Variants in PHF5A observed in about 807,000 individuals in gnomAD.
PHF5A encodes PHD finger-like domain-containing protein 5A.
For synonymous variants in PHF5A, 52 were observed against 46.0 expected, an observed-to-expected ratio of 1.13 and a Z score of -0.52; for missense variants, 24 against 140.6, an observed-to-expected ratio of 0.17 and a Z score of 4.19.
rs1568993045 is a variant in PHF5A at position 41,459,907 on chromosome 22, C to CT, written c.*490_*491insA. 1.4e-4 allele frequency: 7 copies of CT among 48,744 alleles called. No homozygotes were observed. The highest frequency in any genetic ancestry group is 2.6e-4 in the African/African-American group (3 of 11,572). The allele number at this position is 48,744 out of a possible 1,614,324, so 3.0% of individuals were successfully genotyped here. On this transcript the variant is annotated 3_prime_UTR_variant, in exon 4 of 4. Transcript: ENST00000216252. ...TCAAGAGGGCAGAGCCCTGCCCCCC[C>CT]ACCCCCCCCCCAAAAAAAACGGGAA...
chr22:41,468,595 G>A lies in PHF5A; in HGVS notation c.52+7C>T. 1 of 1,614,124 alleles carries A rather than the reference G, an allele frequency of 6.2e-7. No homozygotes were observed. Among genetic ancestry groups the A allele is most frequent in the Non-Finnish European group, 8.5e-7 (1 of 1,180,000 alleles). ...CCCAGACAGCCAGGGGTAGGGCGCAGTCTCACCAACACCAGCCTGCTTGCG... is the reference window on the plus strand; with the variant it reads ...CCCAGACAGCCAGGGGTAGGGCGCAATCTCACCAACACCAGCCTGCTTGCG... On this transcript the variant is annotated splice_region_variant and intron_variant, in intron 1 of 3. Coordinates refer to ENST00000216252, the MANE Select transcript of PHF5A (RefSeq NM_032758.4).
At chr22:41,467,110 C>T (rs576833499) in intron 3 of PHF5A, among the ~76,000 whole-genome samples, 1 of 152,028 alleles carries the variant, frequency 6.6e-6, no homozygotes, top group South Asian at 2.1e-4. Context: ...AAGTGATCCT[C>T]CTAACTTGGA....
chr22:41,468,401 C>T (rs533356964), intron 1 of PHF5A: 77 of 632,264 alleles, frequency 1.2e-4, no homozygotes, highest in Middle Eastern at 4.1e-4. Flanking sequence ...CCGATACCTG[C>T]CTGGGGCTCC....
In PHF5A at chr22:41,460,228, C is replaced by CAGA; in HGVS notation, c.*169_*170insTCT. On this transcript the variant is annotated 3_prime_UTR_variant, in exon 4 of 4. Transcript: ENST00000216252. ...CTCTGTGAAGAATCCTTTTCCATCC[C>CAGA]TACCACGTGTCTGGGTGAAGGGAGA... The CAGA allele has an allele frequency of 1.8e-6, 1 of 561,778 alleles. No individual in the cohort carries two copies. The allele number at this position is 561,778 out of a possible 1,614,324, so 34.8% of individuals were successfully genotyped here.
intron 3 of PHF5A, among the ~76,000 whole-genome samples, chr22:41,465,486 C>G (rs1398586910): frequency 6.6e-6 from 1 of 152,120 alleles, no homozygotes; most frequent in Non-Finnish European, 1.5e-5. Context: ...TTATCTGGCC[C>G]AATCTCTCCC....
At chr22:41,467,364 C>A in intron 3 of PHF5A, 84 bp downstream of exon 3, 1 of 1,357,444 alleles carries the variant, frequency 7.4e-7, no homozygotes, top group Non-Finnish European at 1.0e-6. Context: ...ACAGTAATCT[C>A]CATAGACCAT....
At chr22:41,468,349 G>T in intron 1 of PHF5A, 1 of 653,148 alleles carries the variant, frequency 1.5e-6, no homozygotes, top group Non-Finnish European at 2.6e-6. Context: ...AACGCCCTGG[G>T]CAAGCTCAGA....
chr22:41,463,591 G>A (rs774060426), intron 3 of PHF5A, among the ~76,000 whole-genome samples: 1 of 136,636 alleles, frequency 7.3e-6, no homozygotes, highest in Non-Finnish European at 1.6e-5. Context: ...CAGGCGTGGT[G>A]GTGCACGCCT....
rs2037877433 is a variant in PHF5A, at chr22:41,467,454, C to T, written c.237G>A (p.Glu79=). The T allele has an allele frequency of 1.9e-6, 3 of 1,613,836 alleles. No individual in the cohort carries two copies. The African/African-American group carries it at 4.0e-5, about 22-fold the overall frequency. The change falls in exon 3 of 4, where the codon GAG becomes GAA. Residue 79 remains glutamate, a synonymous_variant. Transcript: ENST00000216252. ...AYYCKECTIQ[E]KDRDGCPKIV... is the part of the protein sequence containing the mutation. ...TGGAAAGCTGTACACTTACGTCCTT[C>T]TCCTGGATGGTGCACTCCTTACAAT...
intron 3 of PHF5A, among the ~76,000 whole-genome samples, chr22:41,463,151 C>T (rs1261564142): frequency 1.3e-5 from 2 of 151,916 alleles, no homozygotes; most frequent in Non-Finnish European, 2.9e-5. Flanking sequence ...GGATTACAGG[C>T]GTGAGCCACT....
intron 2 of PHF5A, 42 bp downstream of exon 2, chr22:41,468,082 G>A: frequency 6.2e-7 from 1 of 1,610,176 alleles, no homozygotes. Flanking sequence ...AGAAAACTGG[G>A]AGTGGGAAGG....
chr22:41,468,496 C>A, intron 1 of PHF5A, 106 bp downstream of exon 1: 2 of 1,290,512 alleles, frequency 1.5e-6, no homozygotes, highest in South Asian at 2.5e-5. Flanking sequence ...AGGCGGGAAA[C>A]GTGGCGCCTG....
chr22:41,468,092 G>A, intron 2 of PHF5A, 32 bp downstream of exon 2: 1 of 1,612,816 alleles, frequency 6.2e-7, no homozygotes, highest in South Asian at 1.1e-5. Flanking sequence ...GAGTGGGAAG[G>A]GTGGGTTGTT....
Position 41,459,927 on chromosome 22 carries a change from C to T in PHF5A, c.*471G>A, listed in dbSNP as rs1405463705. ...CCCCCCACCCCCCCCCCAAAAAAAA[C>T]GGGAAATGCCTACATTTCTTGTTCT... On this transcript the variant is annotated 3_prime_UTR_variant, in exon 4 of 4. Coordinates refer to ENST00000216252, the MANE Select transcript of PHF5A (RefSeq NM_032758.4). 1.8e-5 allele frequency: 2 copies of T among 110,188 alleles called. No individual in the cohort carries two copies. The highest frequency in any genetic ancestry group is 3.6e-5 in the African/African-American group (1 of 27,750). The allele number at this position is 110,188 out of a possible 1,614,324, so 6.8% of individuals were successfully genotyped here. A position where few individuals can be genotyped will look rare whatever the true frequency, so the allele number is the denominator to read the frequency against.
chr22:41,462,628 C>T (rs1568994068), intron 3 of PHF5A, among the ~76,000 whole-genome samples: 1 of 152,170 alleles, frequency 6.6e-6, no homozygotes, highest in African/African-American at 2.4e-5. Flanking sequence ...ACTCTCAACT[C>T]TTTAGAGAGG....
chr22:41,465,822 G>C (rs1601866887), intron 3 of PHF5A, among the ~76,000 whole-genome samples: 1 of 152,274 alleles, frequency 6.6e-6, no homozygotes, highest in East Asian at 1.9e-4. Context: ...GGAGGCTGTG[G>C]TGAGCCGAGA....
intron 1 of PHF5A, 64 bp downstream of exon 1, chr22:41,468,538 C>T (rs2037894773): frequency 1.3e-6 from 2 of 1,564,334 alleles, no homozygotes; most frequent in Admixed American, 3.4e-5. Context: ...AGACGGGAAC[C>T]CCCGACCCCC....
rs1417815836 is a variant in PHF5A at position 41,459,927 on chromosome 22, C to CG, written c.*470dup. On this transcript the variant is annotated 3_prime_UTR_variant, in exon 4 of 4. Coordinates refer to ENST00000216252, the MANE Select transcript of PHF5A (RefSeq NM_032758.4). ...CCCCCCACCCCCCCCCCAAAAAAAACGGGAAATGCCTACATTTCTTGTTCT... is the reference window on the plus strand; with the variant it reads ...CCCCCCACCCCCCCCCCAAAAAAAACGGGGAAATGCCTACATTTCTTGTTCT... The CG allele has an allele frequency of 9.1e-6, 1 of 110,188 alleles. No individual in the cohort carries two copies. Among genetic ancestry groups the CG allele is most frequent in the Admixed American group, 1.2e-4 (1 of 8,260 alleles). The allele number at this position is 110,188 out of a possible 1,614,324, so 6.8% of individuals were successfully genotyped here.
At chr22:41,461,388 A>T (rs1156840858) in intron 3 of PHF5A, among the ~76,000 whole-genome samples, 1 of 124,736 alleles carries the variant, frequency 8.0e-6, no homozygotes, top group African/African-American at 2.6e-5. Flanking sequence ...GTAGACTATG[A>T]AACTCTTTTT....
Sources: gnomAD v4.1 joint callset for allele counts (sites outside exome capture counted in the v4.1 genomes callset) on GRCh38, gnomAD v4.1.1 for gene constraint, MANE v1.5 for transcripts, NCBI Gene and HGNC (gene_info 2026-07-23, HGNC 2026-07-21) for gene names.